The following TRHR variants were observed in gnomAD, a reference collection of about 807,000 sequenced individuals.
TRHR encodes thyrotropin releasing hormone receptor.
Under a neutral mutation model 28.0 loss-of-function variants are expected in TRHR, and 14 were observed. The observed-to-expected ratio is 0.50, with a 90% CI of 0.33 to 0.78. The LOEUF is 0.78. Among genes scored for constraint, TRHR ranks in the 30% least tolerant of loss-of-function variants. The pLI, the probability that TRHR is intolerant of heterozygous loss-of-function variation, is 0.02. For synonymous variants in TRHR, 176 were observed against 171.9 expected (o/e 1.02, Z -0.18); for missense variants, 438 against 469.5 (o/e 0.93, Z 0.62).
At chr8:109,095,857 C>G (rs1395192541) in intron 2 of TRHR, among the ~76,000 whole-genome samples, 1 of 151,290 alleles carries the variant, frequency 6.6e-6, no homozygotes, top group African/African-American at 2.4e-5. Context: ...TAAGCAATAG[C>G]CACATCCTAG....
In TRHR at chr8:109,119,902, T is replaced by G. The variant is rs1238260608; in HGVS notation, c.*447T>G. Among the ~76,000 whole-genome samples the G allele has an allele frequency of 1.3e-5, 2 of 151,876 alleles. No individual in the cohort carries two copies. Among genetic ancestry groups the G allele is most frequent in the African/African-American group, 4.8e-5 (2 of 41,392 alleles). ...GCATTTAGTATTCATTTTAACATAG[T>G]ACAGGGCTAGTTCATGAATATCTGA... On this transcript the variant is annotated 3_prime_UTR_variant, in exon 3 of 3. Coordinates refer to ENST00000518632, the MANE Select transcript of TRHR (RefSeq NM_003301.7).
At chr8:109,104,602 G>A (rs1023221020) in intron 2 of TRHR, among the ~76,000 whole-genome samples, 1 of 151,824 alleles carries the variant, frequency 6.6e-6, no homozygotes, top group Non-Finnish European at 1.5e-5. Context: ...ATTTGTTGTT[G>A]TCAACATTTA....
chr8:109,094,866 A>G (rs1251313454), intron 2 of TRHR, among the ~76,000 whole-genome samples: 1 of 152,114 alleles, frequency 6.6e-6, no homozygotes, highest in East Asian at 1.9e-4. Context: ...ACATCATAAA[A>G]TCAGCTAAAC....
At chr8:109,090,812 G>A (rs1280039976) in intron 2 of TRHR, among the ~76,000 whole-genome samples, 1 of 152,158 alleles carries the variant, frequency 6.6e-6, no homozygotes, top group African/African-American at 2.4e-5. Flanking sequence ...GTTTGGAGAG[G>A]GGCCAAGAAG....
intron 2 of TRHR, among the ~76,000 whole-genome samples, chr8:109,091,268 A>G (rs1056728140): frequency 2.0e-5 from 3 of 152,220 alleles, no homozygotes; most frequent in Non-Finnish European, 4.4e-5. Flanking sequence ...TATTAGACAT[A>G]AAGGATGAAG....
Position 109,087,557 on chromosome 8 carries a change from G to A in TRHR, c.45G>A (p.Gln15=). The change falls in exon 2 of 3, where the codon CAG becomes CAA. Residue 15 remains glutamine (Q), a synonymous_variant. Transcript: ENST00000518632. ...GTGAACTGAACCAAACACAGCTTCAGCCACGAGCAGTGGTGGCCTTAGAAT... is the reference window on the plus strand; with the variant it reads ...GTGAACTGAACCAAACACAGCTTCAACCACGAGCAGTGGTGGCCTTAGAAT... The part of the protein sequence containing the change: ...TVSELNQTQL[Q]PRAVVALEYQ... The A allele has an allele frequency of 2.5e-6, 4 of 1,614,240 alleles. No homozygotes were observed. Among genetic ancestry groups the A allele is most frequent in the Non-Finnish European group, 3.4e-6 (4 of 1,180,048 alleles).
chr8:109,101,683 G>C (rs1361673767), intron 2 of TRHR, among the ~76,000 whole-genome samples: 1 of 152,144 alleles, frequency 6.6e-6, no homozygotes, highest in African/African-American at 2.4e-5. Context: ...AGCATGTCAG[G>C]TTTAGTTTTG....
Position 109,087,436 on chromosome 8 carries a change from T to A in TRHR, c.-77T>A. ...ATGACCCTTCACAGGGGGATGGAAC[T>A]GCTGCAATAAAGGTGGGCGCTGGAA... On this transcript the variant is annotated 5_prime_UTR_variant, in exon 2 of 3. Transcript: ENST00000518632. The A allele has an allele frequency of 1.3e-6, 2 of 1,504,628 alleles. No homozygotes were observed. The highest frequency in any genetic ancestry group is 1.8e-6 in the Non-Finnish European group (2 of 1,089,512). 93.2% of individuals were successfully genotyped at this position (1,504,628 alleles called of 1,614,324 possible). A position where few individuals can be genotyped will look rare whatever the true frequency, so the allele number is the denominator to read the frequency against.
intron 2 of TRHR, among the ~76,000 whole-genome samples, chr8:109,100,272 G>A (rs79247329): frequency 0.036 from 5,543 of 152,230 alleles, 113 homozygotes; most frequent in Middle Eastern, 0.068. Context: ...ATATTTACGG[G>A]AGAAATATTT....
chr8:109,100,398 G>T (rs1811660103), intron 2 of TRHR, among the ~76,000 whole-genome samples: 1 of 151,914 alleles, frequency 6.6e-6, no homozygotes, highest in Non-Finnish European at 1.5e-5. Flanking sequence ...TAAAACAACT[G>T]CAGTGCACAG....
chr8:109,101,612 G>A (rs560815971), intron 2 of TRHR, among the ~76,000 whole-genome samples: 1 of 152,266 alleles, frequency 6.6e-6, no homozygotes, highest in African/African-American at 2.4e-5. Flanking sequence ...ATTATTAATT[G>A]AATAGTGTAA....
At chr8:109,102,049 C>T (rs1811684869) in intron 2 of TRHR, among the ~76,000 whole-genome samples, 1 of 151,994 alleles carries the variant, frequency 6.6e-6, no homozygotes, top group South Asian at 2.1e-4. Flanking sequence ...TGAGAAGTAC[C>T]CAGTTTCTGA....
rs774032535 is a variant in TRHR, at chr8:109,119,341, C to T, written c.1083C>T (p.Asp361=). The T allele has an allele frequency of 1.9e-6, 3 of 1,612,332 alleles. No homozygotes were observed. The highest frequency in any genetic ancestry group is 2.2e-5 in the South Asian group (2 of 91,030). The change falls in exon 3 of 3, where the codon GAC becomes GAT. Residue 361 remains aspartate, a synonymous_variant. Transcript: ENST00000518632. ...ALNYSVIKES[D]HFSTELDDIT... ...ATTACAGCGTCATCAAGGAGTCAGA[C>T]CATTTCAGCACAGAGCTTGATGATA...
chr8:109,087,658 T>C lies in TRHR; in HGVS notation c.146T>C (p.Val49Ala), dbSNP rs756967122. The change falls in exon 2 of 3, where the codon GTT (valine) becomes GCT (alanine). Residue 49 changes from valine to alanine, a missense_variant. Val to Ala is a moderately conservative substitution (Grantham distance 64, BLOSUM62 0). Coordinates refer to ENST00000518632, the MANE Select transcript of TRHR (RefSeq NM_003301.7). ...GIVGNIMVVLVVMRTKHMRTP... is the reference protein window; with the variant it reads ...GIVGNIMVVLAVMRTKHMRTP... ...GTAGGCAACATCATGGTAGTCCTGG[T>C]TGTCATGAGAACCAAGCACATGAGG... is the stretch of plus-strand genomic sequence containing the variant. 2.0e-5 allele frequency: 33 copies of C among 1,613,988 alleles called. No individual in the cohort carries two copies. The highest frequency in any genetic ancestry group is 1.1e-4 in the South Asian group (10 of 91,084).
rs891177450 is a variant in TRHR, at chr8:109,119,530, C to T, written c.*75C>T. On this transcript the variant is annotated 3_prime_UTR_variant, in exon 3 of 3. Coordinates refer to ENST00000518632, the MANE Select transcript of TRHR (RefSeq NM_003301.7). ...GTCATCAACAAAAGGGAGAACATGG[C>T]CAATAGTCATATGTGAAGACAGAGC... is the stretch of plus-strand genomic sequence containing the variant. 17 of 1,535,238 alleles carry T rather than the reference C, an allele frequency of 1.1e-5. No individual in the cohort carries two copies. The African/African-American group carries it at 1.9e-4, about 17-fold the overall frequency.
At chr8:109,109,150 GAGTT>G (rs1195691827) in intron 2 of TRHR, among the ~76,000 whole-genome samples, 1 of 152,120 alleles carries the variant, frequency 6.6e-6, no homozygotes, top group Non-Finnish European at 1.5e-5. Context: ...GTAGAAATAA[GAGTT>G]AGTTTTTCAT....
chr8:109,118,463 G>T (rs982638820), intron 2 of TRHR, among the ~76,000 whole-genome samples: 1 of 151,868 alleles, frequency 6.6e-6, no homozygotes, highest in African/African-American at 2.4e-5. Flanking sequence ...GGGTAAGTAA[G>T]GAAAGGATTT....
chr8:109,094,872 TA>T (rs1811565857), intron 2 of TRHR, among the ~76,000 whole-genome samples: 1 of 152,066 alleles, frequency 6.6e-6, no homozygotes, highest in Non-Finnish European at 1.5e-5. Flanking sequence ...TAAAATCAGC[TA>T]AACTTGAAGA....
chr8:109,119,266 C>T lies in TRHR; in HGVS notation c.1008C>T (p.Asn336=). 6.2e-7 allele frequency: 1 copy of T among 1,612,824 alleles called. No individual in the cohort carries two copies. Among genetic ancestry groups the T allele is most frequent in the Non-Finnish European group, 8.5e-7 (1 of 1,179,244 alleles). Residue 336 remains asparagine (N), a synonymous_variant, in exon 3 of 3, where the codon AAC becomes AAT. Coordinates refer to ENST00000518632, the MANE Select transcript of TRHR (RefSeq NM_003301.7). ...GTGCAGCCTTCAGAAAGCTCTGCAA[C>T]TGCAAGCAGAAGCCAACAGAGAAAC... The part of the protein sequence containing the change: ...KFRAAFRKLC[N]CKQKPTEKPA...
Sources: gnomAD v4.1 joint callset for allele counts (sites outside exome capture counted in the v4.1 genomes callset) on GRCh38, gnomAD v4.1.1 for gene constraint, MANE v1.5 for transcripts, NCBI Gene and HGNC (gene_info 2026-07-23, HGNC 2026-07-21) for gene names.